The following DTNBP1 variants were observed in gnomAD, a reference collection of about 807,000 sequenced individuals.
DTNBP1 encodes dysbindin.
DTNBP1 carries 35 observed loss-of-function variants against 42.8 expected under a neutral mutation model. That is an observed-to-expected ratio of 0.82 (90% CI 0.63 to 1.09). The LOEUF (loss-of-function observed/expected upper bound fraction) is 1.09, where lower values mean the gene tolerates loss of function less well. Ranked by LOEUF, DTNBP1 falls within the 50% of genes least tolerant of loss-of-function variation. The pLI, the probability that DTNBP1 is intolerant of heterozygous loss-of-function variation, is 0.00. For synonymous variants in DTNBP1, 171 were observed against 162.2 expected, an observed-to-expected ratio of 1.05 and a Z score of -0.41; for missense variants, 457 against 424.2, an observed-to-expected ratio of 1.08 and a Z score of -0.68.
At chr6:15,633,257 ATTGT>A (rs1759797306) in intron 4 of DTNBP1, among the ~76,000 whole-genome samples, 1 of 152,202 alleles carries the variant, frequency 6.6e-6, no homozygotes, top group Non-Finnish European at 1.5e-5. Context: ...TTTAAGTGTT[ATTGT>A]TTAAGAAACA....
intron 7 of DTNBP1, among the ~76,000 whole-genome samples, chr6:15,541,834 C>T (rs1161571283): frequency 6.6e-6 from 1 of 151,988 alleles, no homozygotes; most frequent in South Asian, 2.1e-4. Flanking sequence ...ATTTCAGGAA[C>T]ATATTCAACA....
rs771465987 is a variant in DTNBP1 at position 15,524,604 on chromosome 6, C to G, written c.733G>C (p.Asp245His). The G allele has an allele frequency of 1.4e-5, 23 of 1,613,674 alleles. No homozygotes were observed. The highest frequency in any genetic ancestry group is 1.6e-4 in the Middle Eastern group (1 of 6,082). The change falls in exon 9 of 10, where the codon GAC becomes CAC. Residue 245 changes from aspartate to histidine, a missense_variant. By Grantham distance (81) the Asp-to-His change is moderately conservative. Coordinates refer to ENST00000344537, the MANE Select transcript of DTNBP1 (RefSeq NM_032122.5). ...TCCAGGGCCTCCTGGTCCGATATGT[C>G]CATCAGGTCCATCTGCTCCAGCATG... ...VDMLEQMDLM[D>H]ISDQEALDVF...
Position 15,524,587 on chromosome 6 carries a change from C to T in DTNBP1, c.750G>A (p.Glu250=), listed in dbSNP as rs1358612827. 5.6e-6 allele frequency: 9 copies of T among 1,613,152 alleles called. No individual in the cohort carries two copies. The East Asian group carries it at 1.8e-4, about 32-fold the overall frequency. The part of the protein sequence containing the change: ...QMDLMDISDQ[E]ALDVFLNSGG... ...CAGAGTTCAGGAAGACGTCCAGGGC[C>T]TCCTGGTCCGATATGTCCATCAGGT... The change falls in exon 9 of 10, where the codon GAG becomes GAA. Residue 250 remains glutamate, a synonymous_variant. Transcript: ENST00000344537.
chr6:15,560,250 G>A (rs1195105453), intron 7 of DTNBP1, among the ~76,000 whole-genome samples: 2 of 152,010 alleles, frequency 1.3e-5, no homozygotes, highest in Non-Finnish European at 2.9e-5. Context: ...AGCTTGCAGT[G>A]AGCCGAGATC....
rs573629743 is a variant in DTNBP1 at position 15,649,563 on chromosome 6, AAG to A, written c.161+1748_161+1749del. ...CAGAGTTTCCATTTTGCAAGATGAAAAGAGTTTTTGGGATTGGATGCACAACC... is the reference window on the plus strand; with the variant it reads ...CAGAGTTTCCATTTTGCAAGATGAAAAGTTTTTGGGATTGGATGCACAACC... On this transcript the variant is annotated intron_variant, in intron 3 of 9. Coordinates refer to ENST00000344537, the MANE Select transcript of DTNBP1 (RefSeq NM_032122.5). Among the ~76,000 whole-genome samples, 11 of 152,298 alleles carry A rather than the reference AAG, an allele frequency of 7.2e-5. No individual in the cohort carries two copies. In the South Asian group the frequency reaches 1.9e-3, roughly 26 times the overall value.
intron 6 of DTNBP1, among the ~76,000 whole-genome samples, chr6:15,601,973 A>G (rs974205663): frequency 1.3e-5 from 2 of 151,838 alleles, no homozygotes; most frequent in African/African-American, 2.4e-5. Context: ...CCAGTATCAA[A>G]CCTCTCCAGT....
intron 7 of DTNBP1, among the ~76,000 whole-genome samples, chr6:15,536,896 G>C (rs1286574486): frequency 1.3e-5 from 2 of 152,248 alleles, no homozygotes; most frequent in Non-Finnish European, 1.5e-5. Context: ...AAGGCATGAA[G>C]TCAGAGGAGA....
At chr6:15,605,237 T>A (rs537427327) in intron 6 of DTNBP1, among the ~76,000 whole-genome samples, 5 of 152,322 alleles carry the variant, frequency 3.3e-5, no homozygotes, top group Admixed American at 6.5e-5. Flanking sequence ...GTGAGAGAAC[T>A]TCAATAAGCA....
intron 1 of DTNBP1, among the ~76,000 whole-genome samples, chr6:15,660,958 C>T (rs933714104): frequency 1.3e-5 from 2 of 152,088 alleles, no homozygotes; most frequent in African/African-American, 4.8e-5. Flanking sequence ...ATAATTTACG[C>T]TCTGAAAAGA....
intron 7 of DTNBP1, among the ~76,000 whole-genome samples, chr6:15,553,704 G>A (rs928123288): frequency 2.0e-5 from 3 of 148,424 alleles, no homozygotes; most frequent in African/African-American, 7.4e-5. Flanking sequence ...TTCTTAAGTC[G>A]TTTTCATTTT....
intron 4 of DTNBP1, among the ~76,000 whole-genome samples, chr6:15,634,723 G>A (rs1347042703): frequency 2.0e-5 from 3 of 150,472 alleles, no homozygotes; most frequent in African/African-American, 2.5e-5. Flanking sequence ...CAAATAATAC[G>A]GAAGTGTTAG....
chr6:15,591,751 ATC>A (rs1342713355), intron 7 of DTNBP1, among the ~76,000 whole-genome samples: 3 of 152,198 alleles, frequency 2.0e-5, no homozygotes, highest in African/African-American at 4.8e-5. Context: ...ATTTTACATA[ATC>A]TGTGTCCCTG....
chr6:15,573,003 A>T (rs989225954), intron 7 of DTNBP1, among the ~76,000 whole-genome samples: 4 of 152,204 alleles, frequency 2.6e-5, no homozygotes, highest in African/African-American at 9.7e-5. Context: ...ACATATGGGG[A>T]TTACAGGTGT....
chr6:15,541,326 G>A (rs1033761220), intron 7 of DTNBP1, among the ~76,000 whole-genome samples: 1 of 152,034 alleles, frequency 6.6e-6, no homozygotes, highest in Non-Finnish European at 1.5e-5. Context: ...GAAATGATGG[G>A]AGGATATTTG....
chr6:15,554,604 G>A (rs1476318781), intron 7 of DTNBP1, among the ~76,000 whole-genome samples: 1 of 152,200 alleles, frequency 6.6e-6, no homozygotes, highest in Non-Finnish European at 1.5e-5. Flanking sequence ...ACACTTTGAG[G>A]GAGGGGCAGA....
In DTNBP1 at chr6:15,533,349, G is replaced by A. The variant is rs752149784; in HGVS notation, c.558C>T (p.His186=). 1.2e-6 allele frequency: 2 copies of A among 1,614,230 alleles called. No homozygotes were observed. The highest frequency in any genetic ancestry group is 1.7e-6 in the Non-Finnish European group (2 of 1,180,046). Residue 186 remains histidine, a synonymous_variant, in exon 8 of 10, where the codon CAC becomes CAT. Coordinates refer to ENST00000344537, the MANE Select transcript of DTNBP1 (RefSeq NM_032122.5). The part of the protein sequence containing the change: ...EHAQKVLEME[H]TQQMKLKERQ... ...GCTCCTTCAGCTTCATTTGCTGGGTGTGCTCCATTTCCAGGACCTTCTGGG... is the reference window on the plus strand; with the variant it reads ...GCTCCTTCAGCTTCATTTGCTGGGTATGCTCCATTTCCAGGACCTTCTGGG...
At chr6:15,618,097 G>T (rs932203557) in intron 5 of DTNBP1, among the ~76,000 whole-genome samples, 1 of 151,788 alleles carries the variant, frequency 6.6e-6, no homozygotes, top group African/African-American at 2.4e-5. Flanking sequence ...TTTCATAATG[G>T]CCCTATAATT....
chr6:15,627,683 A>C (rs1027309635), intron 4 of DTNBP1, among the ~76,000 whole-genome samples: 1 of 152,314 alleles, frequency 6.6e-6, no homozygotes, highest in Non-Finnish European at 1.5e-5. Context: ...TACTGCTTGT[A>C]TCAGTGCATC....
intron 7 of DTNBP1, among the ~76,000 whole-genome samples, chr6:15,552,924 C>T (rs749200313): frequency 2.6e-5 from 4 of 151,856 alleles, no homozygotes; most frequent in African/African-American, 7.3e-5. Context: ...GAGTGAACAA[C>T]GATTAATTAA....
Sources: allele counts gnomAD v4.1 joint callset (sites outside exome capture counted in the v4.1 genomes callset), GRCh38; gene constraint gnomAD v4.1.1; transcripts MANE v1.5; gene names NCBI Gene and HGNC (gene_info 2026-07-23, HGNC 2026-07-21).